Variants in TTF2 observed in about 807,000 individuals in gnomAD.
TTF2 encodes transcription termination factor 2.
TTF2 carries 108 observed loss-of-function variants against 142.4 expected under a neutral mutation model. The ratio of observed to expected loss-of-function variants is 0.76; its 90% CI spans 0.65 to 0.89. The LOEUF (loss-of-function observed/expected upper bound fraction) is 0.89, where lower values mean the gene tolerates loss of function less well. Ranked by LOEUF, TTF2 falls within the 40% of genes least tolerant of loss-of-function variation. The pLI is 0.00. For synonymous variants in TTF2, 483 were observed against 506.2 expected (o/e 0.95, Z 0.61); for missense variants, 1,327 against 1,379.8 (o/e 0.96, Z 0.61).
chr1:117,098,763 C>T (rs1407490594), intron 21 of TTF2, 70 bp from the exon 22 acceptor site: 3 of 1,376,476 alleles, frequency 2.2e-6, no homozygotes, highest in South Asian at 2.6e-5. Flanking sequence ...TGGATTTGGC[C>T]CATGGCCCAT....
rs1650006811 is a variant in TTF2 at position 117,107,188 on chromosome 1, C to T, written c.*5664C>T. ...TGATCACTGACTCTGCCAGGTCTTTCAGCAGGCAAGACAGCTCAGTTAAAT... is the reference window on the plus strand; with the variant it reads ...TGATCACTGACTCTGCCAGGTCTTTTAGCAGGCAAGACAGCTCAGTTAAAT... On this transcript the variant is annotated 3_prime_UTR_variant, in exon 23 of 23. Transcript: ENST00000369466. 1.3e-5 allele frequency: 2 copies of T among 152,166 alleles called. No homozygotes were observed. Among genetic ancestry groups the T allele is most frequent in the Non-Finnish European group, 2.9e-5 (2 of 68,042 alleles). 9.4% of individuals were successfully genotyped at this position (152,166 alleles called of 1,614,324 possible). A position where few individuals can be genotyped will look rare whatever the true frequency, so the allele number is the denominator to read the frequency against.
rs1265133091 is a variant in TTF2, at chr1:117,106,748, G to A, written c.*5224G>A. The A allele has an allele frequency of 6.6e-6, 1 of 152,262 alleles. No homozygotes were observed. The highest frequency in any genetic ancestry group is 2.4e-5 in the African/African-American group (1 of 41,478). 9.4% of individuals were successfully genotyped at this position (152,262 alleles called of 1,614,324 possible). ...TCAATATGTAAGAGCTCACAAGTCA[G>A]AGTGAGATGTTTCTTCCTATACTGC... is the stretch of plus-strand genomic sequence containing the variant. On this transcript the variant is annotated 3_prime_UTR_variant, in exon 23 of 23. Transcript: ENST00000369466.
At position 117,076,939 on chromosome 1, in the gene TTF2, C is replaced by CAAAAAGAAA; in HGVS notation, c.1573+121_1573+122insGAAAAAAAA. 1.1e-6 allele frequency: 1 copy of CAAAAAGAAA among 926,730 alleles called. No individual in the cohort carries two copies. 57.4% of individuals were successfully genotyped at this position (926,730 alleles called of 1,614,324 possible). On this transcript the variant is annotated intron_variant, in intron 7 of 22. Coordinates refer to ENST00000369466, the MANE Select transcript of TTF2 (RefSeq NM_003594.4). The surrounding 1 kb of genome is among the most constrained non-coding windows in gnomAD (Gnocchi z 4.6). ...CAGTTAACCTTAGTCACCTGTGGTT[C>CAAAAAGAAA]AAAAAAAGGTGAGTACAGTACAGTA...
In TTF2 at chr1:117,075,777, C is replaced by T. The variant is rs1356814969; in HGVS notation, c.1193C>T (p.Ala398Val). ...DRSVQRKVSP[A>V]SGVSKKVEPS... ...AGTGTGCAAAGAAAGGTGTCTCCTG[C>T]CTCAGGTGTTTCCAAGAAGGTAGAA... The change falls in exon 5 of 23, where the codon GCC becomes GTC. Residue 398 changes from alanine (A) to valine (V), a missense_variant. Physicochemically the swap from Ala to Val is moderately conservative, Grantham distance 64 (BLOSUM62 0). Coordinates refer to ENST00000369466, the MANE Select transcript of TTF2 (RefSeq NM_003594.4). The surrounding 1 kb of genome is among the most constrained non-coding windows in gnomAD (Gnocchi z 4.5). 1.2e-6 allele frequency: 2 copies of T among 1,614,186 alleles called. No individual in the cohort carries two copies. The highest frequency in any genetic ancestry group is 8.5e-7 in the Non-Finnish European group (1 of 1,180,034).
rs959328896 is a variant in TTF2 at position 117,096,129 on chromosome 1, T to A, written c.3036-20T>A. The A allele has an allele frequency of 1.4e-5, 23 of 1,613,564 alleles. No homozygotes were observed. The highest frequency in any genetic ancestry group is 5.3e-5 in the African/African-American group (4 of 74,886). On this transcript the variant is annotated intron_variant, in intron 19 of 22. Transcript: ENST00000369466. ...TTTAATCTATGTTAGGGTATTTTTT[T>A]ATTTTATTCTTCTTTCCAGTGTCAT...
In TTF2 at chr1:117,090,172, A is replaced by G. The variant is rs1468197028; in HGVS notation, c.2460A>G (p.Arg820=). 1 of 1,614,096 alleles carries G rather than the reference A, an allele frequency of 6.2e-7. No individual in the cohort carries two copies. The highest frequency in any genetic ancestry group is 1.3e-5 in the African/African-American group (1 of 75,032). Residue 820 remains arginine (R), a synonymous_variant, in exon 14 of 23, where the codon AGA becomes AGG. Transcript: ENST00000369466. The surrounding 1 kb of genome is among the most constrained non-coding windows in gnomAD (Gnocchi z 4.8). The part of the protein sequence containing the change: ...SILTKSLLLR[R]TKDQLDSTGR... ...TAACCAAGAGCCTTTTGCTGAGGAG[A>G]ACAAAAGACCAGCTGGACTCTACTG...
In TTF2 at chr1:117,076,618, C is replaced by G. The variant is rs770701349; in HGVS notation, c.1391-23C>G. On this transcript the variant is annotated intron_variant, in intron 6 of 22. Coordinates refer to ENST00000369466, the MANE Select transcript of TTF2 (RefSeq NM_003594.4). The surrounding 1 kb of genome is among the most constrained non-coding windows in gnomAD (Gnocchi z 4.6). The stretch of plus-strand genomic sequence containing the variant: ...ACTTAGTTTGCTGAACTTTAATCTG[C>G]TCTTCCCTTGTTTTCTGAGCAGGAA... The G allele has an allele frequency of 5.7e-6, 9 of 1,589,864 alleles. 1 individual carries two copies. The South Asian group carries it at 1.0e-4, about 18-fold the overall frequency.
chr1:117,062,006 C>T (rs1557796439), intron 2 of TTF2, among the ~76,000 whole-genome samples: 1 of 152,080 alleles, frequency 6.6e-6, no homozygotes, highest in Non-Finnish European at 1.5e-5. Flanking sequence ...GTGAATAACA[C>T]TAAGTGACAG....
intron 3 of TTF2, among the ~76,000 whole-genome samples, chr1:117,071,888 TA>T (rs1449759450): frequency 6.6e-6 from 1 of 152,234 alleles, no homozygotes; most frequent in East Asian, 1.9e-4. Flanking sequence ...TTTTTGCCAT[TA>T]AAAGTAATGG....
chr1:117,085,877 A>G lies in TTF2; in HGVS notation c.2055-540A>G, dbSNP rs1647954856. Among the ~76,000 whole-genome samples, 1 of 152,182 alleles carries G rather than the reference A, an allele frequency of 6.6e-6. No homozygotes were observed. The highest frequency in any genetic ancestry group is 6.5e-5 in the Admixed American group (1 of 15,280). On this transcript the variant is annotated intron_variant, in intron 11 of 22. Coordinates refer to ENST00000369466, the MANE Select transcript of TTF2 (RefSeq NM_003594.4). The surrounding 1 kb of genome is among the most constrained non-coding windows in gnomAD (Gnocchi z 4.7). ...CTGAAAGCTTACAGCATGTATTTTT[A>G]TATCTTAATGTCAAACTAGATCAGT...
Position 117,076,388 on chromosome 1 carries a change from C to T in TTF2, c.1390+94C>T, listed in dbSNP as rs765264971. 20 of 1,066,578 alleles carry T rather than the reference C, an allele frequency of 1.9e-5. No homozygotes were observed. Among genetic ancestry groups the T allele is most frequent in the Middle Eastern group, 2.1e-4 (1 of 4,806 alleles). The allele number at this position is 1,066,578 out of a possible 1,614,324, so 66.1% of individuals were successfully genotyped here. On this transcript the variant is annotated intron_variant, in intron 6 of 22. Transcript: ENST00000369466. The surrounding 1 kb of genome is among the most constrained non-coding windows in gnomAD (Gnocchi z 4.6). Reference sequence around the variant, plus strand: ...TTAATAAAGAATGTGTTGATTCATTCACTTTTCCATTTTATTATCTGCTTC... The same window carrying T: ...TTAATAAAGAATGTGTTGATTCATTTACTTTTCCATTTTATTATCTGCTTC...
Position 117,076,881 on chromosome 1 carries a change from C to T in TTF2, c.1573+58C>T. 1 of 1,504,852 alleles carries T rather than the reference C, an allele frequency of 6.6e-7. No homozygotes were observed. The highest frequency in any genetic ancestry group is 9.0e-7 in the Non-Finnish European group (1 of 1,111,492). The allele number at this position is 1,504,852 out of a possible 1,614,324, so 93.2% of individuals were successfully genotyped here. A position where few individuals can be genotyped will look rare whatever the true frequency, so the allele number is the denominator to read the frequency against. ...AGCCACCCCTGTGAGTTACGTGCCA[C>T]CCGGTACAGTAGTCACCTCTTATCC... On this transcript the variant is annotated intron_variant, in intron 7 of 22. Transcript: ENST00000369466. The surrounding 1 kb of genome is among the most constrained non-coding windows in gnomAD (Gnocchi z 4.6).
In TTF2 at chr1:117,079,562, T is replaced by C. The variant is rs1026084467; in HGVS notation, c.1702-6T>C. 8 of 1,614,120 alleles carry C rather than the reference T, an allele frequency of 5.0e-6. No homozygotes were observed. Among genetic ancestry groups the C allele is most frequent in the Non-Finnish European group, 6.8e-6 (8 of 1,180,032 alleles). On this transcript the variant is annotated splice_polypyrimidine_tract_variant and splice_region_variant and intron_variant, in intron 8 of 22. Transcript: ENST00000369466. This position sits in a 1 kb window ranked among gnomAD's most constrained non-coding sequence, Gnocchi z 4.2. Reference sequence around the variant, plus strand: ...ATGCTTAGCATTTGGTTATTACCTTTGTCAGGTCCCTTTGCTACTACACCA... The same window carrying C: ...ATGCTTAGCATTTGGTTATTACCTTCGTCAGGTCCCTTTGCTACTACACCA...
chr1:117,089,941 T>A, intron 13 of TTF2, 114 bp from the exon 14 acceptor site: 1 of 1,230,352 alleles, frequency 8.1e-7, no homozygotes. Flanking sequence ...AGTGATTGGA[T>A]GACAGGTGTA....
chr1:117,064,444 A>T (rs1338052287), intron 3 of TTF2, among the ~76,000 whole-genome samples: 1 of 152,192 alleles, frequency 6.6e-6, no homozygotes, highest in Non-Finnish European at 1.5e-5. Flanking sequence ...ATCTCCAAGA[A>T]ATCTTTGCCT....
chr1:117,086,381 G>A lies in TTF2; in HGVS notation c.2055-36G>A. The A allele has an allele frequency of 6.7e-7, 1 of 1,490,416 alleles. No individual in the cohort carries two copies. The highest frequency in any genetic ancestry group is 9.4e-7 in the Non-Finnish European group (1 of 1,068,358). 92.3% of individuals were successfully genotyped at this position (1,490,416 alleles called of 1,614,324 possible). ...CCTCTCTCATTGTCCCTCTATAGTG[G>A]GACCATTTATTGATTTCTTTGTTAT... is the stretch of plus-strand genomic sequence containing the variant. On this transcript the variant is annotated intron_variant, in intron 11 of 22. Transcript: ENST00000369466. The surrounding 1 kb of genome is among the most constrained non-coding windows in gnomAD (Gnocchi z 4.2).
In TTF2 at chr1:117,086,565, G is replaced by A; in HGVS notation, c.2160+43G>A. The A allele has an allele frequency of 6.8e-7, 1 of 1,473,724 alleles. No homozygotes were observed. Among genetic ancestry groups the A allele is most frequent in the Non-Finnish European group, 9.5e-7 (1 of 1,057,628 alleles). 91.3% of individuals were successfully genotyped at this position (1,473,724 alleles called of 1,614,324 possible). ...CCAGGGAAGTGGAGTTGGAGCCACA[G>A]ATGGTTTAATGGGAGTCTTTCTCAG... is the stretch of plus-strand genomic sequence containing the variant. On this transcript the variant is annotated intron_variant, in intron 12 of 22. Transcript: ENST00000369466. The surrounding 1 kb of genome is among the most constrained non-coding windows in gnomAD (Gnocchi z 4.2).
At chr1:117,071,237 G>A (rs1656550621) in intron 3 of TTF2, among the ~76,000 whole-genome samples, 1 of 151,672 alleles carries the variant, frequency 6.6e-6, no homozygotes, top group Non-Finnish European at 1.5e-5. Flanking sequence ...AATAGTAAAG[G>A]ATAAGAAACA....
At chr1:117,071,949 T>G (rs1656609668) in intron 3 of TTF2, among the ~76,000 whole-genome samples, 1 of 152,060 alleles carries the variant, frequency 6.6e-6, no homozygotes, top group Non-Finnish European at 1.5e-5. Context: ...GGGGAAACCT[T>G]GCCAAGCAGG....
Sources: allele counts gnomAD v4.1 joint callset (sites outside exome capture counted in the v4.1 genomes callset), GRCh38; gene constraint gnomAD v4.1.1; non-coding constraint Gnocchi (gnomAD v3.1); transcripts MANE v1.5; gene names NCBI Gene and HGNC (gene_info 2026-07-23, HGNC 2026-07-21).